CSMD3: variants seen among roughly 807,000 people sequenced by gnomAD.
CSMD3 encodes CUB and Sushi multiple domains 3, also known as CUB and sushi domain-containing protein 3.
CSMD3 carries 177 observed loss-of-function variants against 435.2 expected under a neutral mutation model. The ratio of observed to expected loss-of-function variants is 0.41; its 90% confidence interval spans 0.36 to 0.46. CSMD3 has a LOEUF of 0.46. Among genes scored for constraint, CSMD3 ranks in the 20% least tolerant of loss-of-function variants. CSMD3 has a pLI of 0.34. For synonymous variants in CSMD3, 1,656 were observed against 1,520.5 expected, an observed-to-expected ratio of 1.09 and a Z score of -2.07; for missense variants, 4,265 against 4,504.6, an observed-to-expected ratio of 0.95 and a Z score of 1.52.
At chr8:113,201,732 A>T (rs1470150447) in intron 3 of CSMD3, among the ~76,000 whole-genome samples, 2 of 151,930 alleles carry the variant, frequency 1.3e-5, no homozygotes, top group Non-Finnish European at 2.9e-5. Flanking sequence ...GCTGATTTTT[A>T]AAAAAACCTT....
chr8:112,970,376 A>G (rs1169615755), intron 7 of CSMD3, among the ~76,000 whole-genome samples: 2 of 143,900 alleles, frequency 1.4e-5, no homozygotes, highest in Admixed American at 7.4e-5. Flanking sequence ...AGCTTGGGTG[A>G]CAGAGCTAGA....
At chr8:112,687,901 TACTC>T (rs1423265418) in intron 14 of CSMD3, among the ~76,000 whole-genome samples, 1 of 152,156 alleles carries the variant, frequency 6.6e-6, no homozygotes, top group African/African-American at 2.4e-5. Context: ...CACACATACT[TACTC>T]CTAATCCCTC....
chr8:112,696,712 A>C (rs2131853854), intron 13 of CSMD3, among the ~76,000 whole-genome samples: 1 of 152,262 alleles, frequency 6.6e-6, no homozygotes, highest in East Asian at 1.9e-4. Context: ...AACAAAAGCC[A>C]AAATTGACAA....
intron 3 of CSMD3, among the ~76,000 whole-genome samples, chr8:113,196,779 G>T (rs1307963711): frequency 2.0e-5 from 3 of 151,158 alleles, no homozygotes; most frequent in Non-Finnish European, 4.5e-5. Flanking sequence ...TCCCATTGCA[G>T]AAAGACTGAA....
chr8:112,798,562 T>C (rs1464785783), intron 13 of CSMD3, among the ~76,000 whole-genome samples: 1 of 151,856 alleles, frequency 6.6e-6, no homozygotes, highest in Non-Finnish European at 1.5e-5. Context: ...TTAATTACTA[T>C]TGTTGAAAAC....
chr8:112,313,801 C>A (rs1586741764), intron 49 of CSMD3, 105 bp downstream of exon 49: 2 of 864,838 alleles, frequency 2.3e-6, no homozygotes, highest in East Asian at 2.5e-5. Flanking sequence ...AATGGAGGAG[C>A]TGTGATTTGA....
At chr8:113,179,982 A>T (rs1293228042) in intron 3 of CSMD3, among the ~76,000 whole-genome samples, 1 of 151,956 alleles carries the variant, frequency 6.6e-6, no homozygotes, top group Non-Finnish European at 1.5e-5. Context: ...TGAAAAATTT[A>T]AAAAAGGGAT....
intron 4 of CSMD3, among the ~76,000 whole-genome samples, chr8:113,169,379 A>C (rs551232458): frequency 6.6e-6 from 1 of 152,204 alleles, no homozygotes; most frequent in Non-Finnish European, 1.5e-5. Context: ...CTTCTCCAAA[A>C]ACTATCTCAC....
chr8:112,728,360 A>C (rs1587098699), intron 13 of CSMD3, among the ~76,000 whole-genome samples: 1 of 152,098 alleles, frequency 6.6e-6, no homozygotes, highest in East Asian at 1.9e-4. Flanking sequence ...ACAATAAAGA[A>C]TTAAAATAAG....
intron 30 of CSMD3, among the ~76,000 whole-genome samples, chr8:112,493,925 T>C (rs1471104189): frequency 6.6e-6 from 1 of 152,112 alleles, no homozygotes; most frequent in African/African-American, 2.4e-5. Context: ...CAGAATTTGT[T>C]TTGTGCTAAT....
chr8:112,713,181 A>T (rs2076647839), intron 13 of CSMD3, among the ~76,000 whole-genome samples: 1 of 152,070 alleles, frequency 6.6e-6, no homozygotes, highest in African/African-American at 2.4e-5. Context: ...CAAGGGAGGC[A>T]GTGAGTGTGC....
intron 6 of CSMD3, among the ~76,000 whole-genome samples, chr8:113,001,078 A>G (rs900520640): frequency 1.3e-5 from 2 of 151,980 alleles, no homozygotes; most frequent in South Asian, 4.1e-4. Context: ...TTTATAGTAA[A>G]TCTGCCTTCT....
At chr8:112,789,075 T>G (rs1010746018) in intron 13 of CSMD3, among the ~76,000 whole-genome samples, 1 of 152,120 alleles carries the variant, frequency 6.6e-6, no homozygotes, top group Non-Finnish European at 1.5e-5. Flanking sequence ...CTCCAGGATT[T>G]GTTTTTTAAT....
At chr8:113,271,777 G>C (rs2093529696) in intron 3 of CSMD3, among the ~76,000 whole-genome samples, 1 of 152,098 alleles carries the variant, frequency 6.6e-6, no homozygotes, top group South Asian at 2.1e-4. Flanking sequence ...CCACAGAATG[G>C]TAGATCCACC....
At chr8:112,451,034 T>C (rs890372436) in intron 32 of CSMD3, among the ~76,000 whole-genome samples, 3 of 152,154 alleles carry the variant, frequency 2.0e-5, no homozygotes, top group African/African-American at 7.2e-5. Flanking sequence ...TAAACATTGG[T>C]ACAAATATAT....
chr8:113,008,982 T>C (rs545007192), intron 6 of CSMD3, among the ~76,000 whole-genome samples: 14 of 151,620 alleles, frequency 9.2e-5, no homozygotes, highest in African/African-American at 3.1e-4. Flanking sequence ...AATATATTAG[T>C]AATATTTTAT....
intron 47 of CSMD3, among the ~76,000 whole-genome samples, chr8:112,315,486 T>C (rs145599748): frequency 6.8e-4 from 103 of 151,710 alleles, no homozygotes; most frequent in African/African-American, 2.4e-3. Context: ...TCTTACAAAA[T>C]TTTTTTGAAG....
intron 13 of CSMD3, among the ~76,000 whole-genome samples, chr8:112,780,138 T>C (rs1205104713): frequency 6.6e-6 from 1 of 152,074 alleles, no homozygotes; most frequent in Non-Finnish European, 1.5e-5. Flanking sequence ...AAAGTTCTTA[T>C]ACAGTAACGC....
At chr8:113,015,243 A>T (rs113212319) in intron 6 of CSMD3, among the ~76,000 whole-genome samples, 7,146 of 152,150 alleles carry the variant, frequency 0.047, 229 homozygotes, top group Non-Finnish European at 0.069. Flanking sequence ...CTGTCCAATA[A>T]ATATGCTTTT....
Sources: allele counts gnomAD v4.1 joint callset (sites outside exome capture counted in the v4.1 genomes callset), GRCh38; gene constraint gnomAD v4.1.1; transcripts MANE v1.5; gene names NCBI Gene and HGNC (gene_info 2026-07-23, HGNC 2026-07-21).